The following MAML2 variants were observed in gnomAD, a reference collection of about 807,000 sequenced individuals.
The protein encoded by MAML2 is mastermind like transcriptional coactivator 2.
A neutral mutation model predicts 96.1 loss-of-function variants in MAML2; 22 were observed. The observed-to-expected ratio is 0.23, with a 90% CI of 0.16 to 0.33. The LOEUF (loss-of-function observed/expected upper bound fraction) is 0.33, where lower values mean the gene tolerates loss of function less well. Among genes scored for constraint, MAML2 ranks in the 10% least tolerant of loss-of-function variants. The probability of loss-of-function intolerance (pLI) is 1.00; values close to 1 mark genes in which losing one functional copy is unlikely to be tolerated. For synonymous variants in MAML2, 561 were observed against 521.3 expected (o/e 1.08, Z -1.04); for missense variants, 1,367 against 1,392.4 (o/e 0.98, Z 0.29).
At chr11:96,049,439 T>A (rs748150136) in intron 2 of MAML2, among the ~76,000 whole-genome samples, 3 of 152,200 alleles carry the variant, frequency 2.0e-5, no homozygotes, top group South Asian at 2.1e-4. Context: ...AAAGGAAACA[T>A]GGAATCTGTT....
intron 1 of MAML2, among the ~76,000 whole-genome samples, chr11:96,183,401 C>G (rs948606016): frequency 3.4e-5 from 2 of 58,366 alleles, no homozygotes; most frequent in African/African-American, 7.0e-5. Context: ...CCTCCCCCCC[C>G]CCCCTTTCTT....
intron 1 of MAML2, among the ~76,000 whole-genome samples, chr11:96,202,184 A>T (rs1230130781): frequency 8.2e-6 from 1 of 122,510 alleles, no homozygotes; most frequent in Non-Finnish European, 1.9e-5. Flanking sequence ...ATACAAAAAA[A>T]AAAAAAAAAA....
chr11:96,261,260 C>G (rs1038677504), intron 1 of MAML2, among the ~76,000 whole-genome samples: 3 of 152,140 alleles, frequency 2.0e-5, no homozygotes, highest in South Asian at 2.1e-4. Context: ...CCCTCCGCCA[C>G]GTGATGCCCT....
intron 1 of MAML2, among the ~76,000 whole-genome samples, chr11:96,176,566 T>C (rs1002505529): frequency 3.3e-5 from 5 of 152,230 alleles, no homozygotes; most frequent in African/African-American, 1.2e-4. Flanking sequence ...TGCCACTCTA[T>C]GAAACCCTTC....
At chr11:96,146,267 C>T (rs1225409491) in intron 1 of MAML2, among the ~76,000 whole-genome samples, 2 of 152,228 alleles carry the variant, frequency 1.3e-5, no homozygotes, top group East Asian at 3.9e-4. Flanking sequence ...TAAGGAATTC[C>T]ATCTCTTGGG....
intron 1 of MAML2, among the ~76,000 whole-genome samples, chr11:96,184,299 G>A (rs544269147): frequency 6.6e-6 from 1 of 152,240 alleles, no homozygotes; most frequent in Non-Finnish European, 1.5e-5. Context: ...AAATTAGTGG[G>A]CGTGGTGGCA....
intron 1 of MAML2, among the ~76,000 whole-genome samples, chr11:96,159,407 CT>C (rs760811590): frequency 3.3e-4 from 30 of 91,150 alleles, no homozygotes; most frequent in African/African-American, 9.2e-4. Context: ...ACCACTGATT[CT>C]TTTTTTTTTT....
At chr11:95,987,503 C>T (rs1032110951) in intron 3 of MAML2, among the ~76,000 whole-genome samples, 2 of 152,058 alleles carry the variant, frequency 1.3e-5, no homozygotes, top group African/African-American at 2.4e-5. Flanking sequence ...CATAGGTAGA[C>T]GGAGAACACT....
At chr11:96,312,244 A>AAAAAAAAAAAAAAAAAAAT (rs60194294) in intron 1 of MAML2, among the ~76,000 whole-genome samples, 1 of 147,740 alleles carries the variant, frequency 6.8e-6, no homozygotes, top group Non-Finnish European at 1.5e-5. Flanking sequence ...AAAAAAAAAA[A>AAAAAAAAAAAAAAAAAAAT]GAATGAGCAA....
At chr11:96,023,262 C>A (rs530345528) in intron 2 of MAML2, among the ~76,000 whole-genome samples, 2 of 152,284 alleles carry the variant, frequency 1.3e-5, no homozygotes, top group African/African-American at 4.8e-5. Context: ...GGCAGAGGTA[C>A]AAGGGGAGAA....
chr11:95,985,492 T>C, intron 4 of MAML2, 39 bp downstream of exon 4: 2 of 1,260,186 alleles, frequency 1.6e-6, no homozygotes, highest in Non-Finnish European at 2.2e-6. Flanking sequence ...TTTTTTCCTT[T>C]CACAGCTATA....
chr11:96,195,673 C>G (rs367875715), intron 1 of MAML2, among the ~76,000 whole-genome samples: 1 of 152,194 alleles, frequency 6.6e-6, no homozygotes, highest in Non-Finnish European at 1.5e-5. Context: ...AGGTAACCAA[C>G]TAGGACTTAT....
chr11:96,132,125 G>A (rs1860557453), intron 1 of MAML2, among the ~76,000 whole-genome samples: 1 of 152,202 alleles, frequency 6.6e-6, no homozygotes, highest in Non-Finnish European at 1.5e-5. Flanking sequence ...CTCATGGTGT[G>A]TGCACGTACA....
intron 1 of MAML2, among the ~76,000 whole-genome samples, chr11:96,252,146 T>C (rs1175376317): frequency 6.6e-6 from 1 of 152,006 alleles, no homozygotes; most frequent in Non-Finnish European, 1.5e-5. Flanking sequence ...CTCGTTATGC[T>C]GTTGGGAAAT....
At chr11:96,161,409 C>G (rs932571225) in intron 1 of MAML2, among the ~76,000 whole-genome samples, 1 of 152,162 alleles carries the variant, frequency 6.6e-6, no homozygotes, top group Non-Finnish European at 1.5e-5. Flanking sequence ...CAGAACAGCC[C>G]GGATCTTTTT....
chr11:96,238,549 G>C (rs951277737), intron 1 of MAML2, among the ~76,000 whole-genome samples: 5 of 152,210 alleles, frequency 3.3e-5, no homozygotes, highest in African/African-American at 1.2e-4. Flanking sequence ...CCCTCACAAT[G>C]ACATTTAGGT....
intron 1 of MAML2, among the ~76,000 whole-genome samples, chr11:96,128,998 C>T (rs1591029714): frequency 6.6e-6 from 1 of 152,264 alleles, no homozygotes; most frequent in Admixed American, 6.5e-5. Context: ...CATTGTTAGG[C>T]ATTTTGCGTG....
At chr11:96,296,568 G>C (rs1374067426) in intron 1 of MAML2, among the ~76,000 whole-genome samples, 1 of 152,140 alleles carries the variant, frequency 6.6e-6, no homozygotes, top group Non-Finnish European at 1.5e-5. Flanking sequence ...GCTTGAACCT[G>C]GGAGGTGGAG....
At chr11:96,180,302 A>T (rs756299916) in intron 1 of MAML2, among the ~76,000 whole-genome samples, 3 of 152,202 alleles carry the variant, frequency 2.0e-5, no homozygotes, top group Admixed American at 6.5e-5. Context: ...CCTCCTCTCG[A>T]ATCAGAGCCA....
Sources: allele counts gnomAD v4.1 joint callset (sites outside exome capture counted in the v4.1 genomes callset), GRCh38; gene constraint gnomAD v4.1.1; transcripts MANE v1.5; gene names NCBI Gene and HGNC (gene_info 2026-07-23, HGNC 2026-07-21).